ABCD3: variants seen among roughly 807,000 people sequenced by gnomAD.
ABCD3 encodes ATP-binding cassette sub-family D member 3.
In ABCD3, 41 loss-of-function variants were observed where a neutral mutation model predicts 105.5. That is an observed-to-expected ratio of 0.39 (90% CI 0.30 to 0.50). ABCD3 has a LOEUF of 0.50. Ranked by LOEUF, ABCD3 falls within the 20% of genes least tolerant of loss-of-function variation. The probability of loss-of-function intolerance (pLI) is 0.84; values close to 1 mark genes in which losing one functional copy is unlikely to be tolerated. For synonymous variants in ABCD3, 258 were observed against 269.0 expected, an observed-to-expected ratio of 0.96 and a Z score of 0.40; for missense variants, 622 against 806.3, an observed-to-expected ratio of 0.77 and a Z score of 2.77.
intron 1 of ABCD3, among the ~76,000 whole-genome samples, chr1:94,443,764 G>C (rs1186703633): frequency 6.6e-6 from 1 of 152,058 alleles, no homozygotes; most frequent in East Asian, 1.9e-4. Context: ...TATTTTTGTT[G>C]ACTTTGTAGA....
chr1:94,397,659 G>A, the ABCD3 span, among the ~76,000 whole-genome samples: 7 of 152,128 alleles, frequency 4.6e-5, no homozygotes, highest in African/African-American at 1.7e-4. Flanking sequence ...AAGGTGGTAT[G>A]TGCCAGGTTT....
At chr1:94,431,583 A>C (rs1005862199) in intron 1 of ABCD3, among the ~76,000 whole-genome samples, 1 of 152,130 alleles carries the variant, frequency 6.6e-6, no homozygotes, top group African/African-American at 2.4e-5. Flanking sequence ...TTGCTTTTTG[A>C]GACAGACTCA....
intron 21 of ABCD3, chr1:94,514,388 C>G (rs1167244872): frequency 6.6e-6 from 1 of 151,776 alleles, no homozygotes; most frequent in Non-Finnish European, 1.5e-5. Context: ...CTGACCTCCC[C>G]ACCTTGGTTG....
At chr1:94,507,702 A>G (rs1650437443) in intron 21 of ABCD3, among the ~76,000 whole-genome samples, 1 of 152,070 alleles carries the variant, frequency 6.6e-6, no homozygotes, top group Non-Finnish European at 1.5e-5. Context: ...GTGAGATGTT[A>G]TCTCACTGTG....
Position 94,458,769 on chromosome 1 carries a change from C to T in ABCD3, c.147+126C>T, listed in dbSNP as rs148537568. Reference sequence around the variant, plus strand: ...AACTTAAAAATACTCCAGTCTTCTACACATTACAGGAATACTCTCTGAAAT... The same window carrying T: ...AACTTAAAAATACTCCAGTCTTCTATACATTACAGGAATACTCTCTGAAAT... On this transcript the variant is annotated intron_variant, in intron 2 of 22. Transcript: ENST00000370214. The T allele has an allele frequency of 2.7e-4, 244 of 902,614 alleles. No homozygotes were observed. In the East Asian group the frequency reaches 6.3e-3, roughly 23 times the overall value. The allele number at this position is 902,614 out of a possible 1,614,324, so 55.9% of individuals were successfully genotyped here. A position where few individuals can be genotyped will look rare whatever the true frequency, so the allele number is the denominator to read the frequency against.
intron 4 of ABCD3, 30 bp downstream of exon 4, chr1:94,468,037 G>A (rs984343329): frequency 3.4e-6 from 5 of 1,456,980 alleles, no homozygotes; most frequent in Middle Eastern, 3.5e-4. Flanking sequence ...CCTCCTATAT[G>A]TATGAAATGC....
intron 5 of ABCD3, among the ~76,000 whole-genome samples, 173 bp from the exon 6 acceptor site, chr1:94,474,970 G>T (rs1419523731): frequency 6.6e-6 from 1 of 152,012 alleles, no homozygotes; most frequent in Non-Finnish European, 1.5e-5. Flanking sequence ...TTCAAACGAG[G>T]TACATTTGGT....
chr1:94,410,683 C>A, the ABCD3 span, among the ~76,000 whole-genome samples: 1 of 152,162 alleles, frequency 6.6e-6, no homozygotes, highest in Non-Finnish European at 1.5e-5. Flanking sequence ...CTTCATACCC[C>A]TTTCATGTCA....
At chr1:94,414,076 G>A (rs191461191), upstream of ABCD3, among the ~76,000 whole-genome samples, 398 of 152,282 alleles carry the variant, frequency 2.6e-3, 4 homozygotes, top group African/African-American at 9.3e-3. Flanking sequence ...ATCTCCTGGG[G>A]TAGGGGTAGA....
intron 16 of ABCD3, among the ~76,000 whole-genome samples, chr1:94,493,404 C>T (rs1270950639): frequency 6.6e-6 from 1 of 152,034 alleles, no homozygotes; most frequent in East Asian, 1.9e-4. Flanking sequence ...TAACATCTCA[C>T]ACCAGTTAGA....
At chr1:94,462,083 T>C (rs953188574) in intron 2 of ABCD3, among the ~76,000 whole-genome samples, 1 of 152,202 alleles carries the variant, frequency 6.6e-6, no homozygotes, top group African/African-American at 2.4e-5. Flanking sequence ...TTTTAGGTTT[T>C]CTTTTTTCCT....
intron 7 of ABCD3, among the ~76,000 whole-genome samples, chr1:94,477,808 G>A (rs1648836028): frequency 6.6e-6 from 1 of 152,184 alleles, no homozygotes; most frequent in Admixed American, 6.5e-5. Context: ...AAGTGATAAA[G>A]TAATAGAGTC....
chr1:94,464,184 A>C (rs368831632), intron 2 of ABCD3, among the ~76,000 whole-genome samples: 3 of 152,194 alleles, frequency 2.0e-5, no homozygotes, highest in East Asian at 3.9e-4. Context: ...GAGCTGCATA[A>C]GTGAAAGAAC....
the ABCD3 span, among the ~76,000 whole-genome samples, chr1:94,407,213 C>G: frequency 6.6e-6 from 1 of 152,206 alleles, no homozygotes; most frequent in East Asian, 1.9e-4. Context: ...TGCAATGGCC[C>G]GATCTCAGCT....
intron 1 of ABCD3, among the ~76,000 whole-genome samples, chr1:94,432,253 A>G (rs577092650): frequency 2.6e-5 from 4 of 152,334 alleles, no homozygotes; most frequent in Non-Finnish European, 5.9e-5. Flanking sequence ...AATTTGTACA[A>G]CTGAGTATGA....
the ABCD3 span, among the ~76,000 whole-genome samples, chr1:94,399,133 A>G: frequency 6.6e-6 from 1 of 152,236 alleles, no homozygotes; most frequent in African/African-American, 2.4e-5. Flanking sequence ...CATGCAGAAC[A>G]GGTCCATCAC....
At chr1:94,390,784 C>T in the ABCD3 span, among the ~76,000 whole-genome samples, 8 of 152,144 alleles carry the variant, frequency 5.3e-5, no homozygotes, top group Non-Finnish European at 8.8e-5. Context: ...AGTAACTATC[C>T]ATATCCCGAC....
chr1:94,461,313 A>G (rs565286558), intron 2 of ABCD3, among the ~76,000 whole-genome samples: 1 of 152,084 alleles, frequency 6.6e-6, no homozygotes, highest in South Asian at 2.1e-4. Context: ...GGGAGAGGCA[A>G]TTTTCATAAG....
At chr1:94,508,725 T>C (rs1650496901) in intron 21 of ABCD3, among the ~76,000 whole-genome samples, 1 of 151,968 alleles carries the variant, frequency 6.6e-6, no homozygotes, top group Non-Finnish European at 1.5e-5. Context: ...GTAAGTTGGA[T>C]TCCTAGGTAT....
Sources: allele counts gnomAD v4.1 joint callset (sites outside exome capture counted in the v4.1 genomes callset), GRCh38; gene constraint gnomAD v4.1.1; transcripts MANE v1.5; gene names NCBI Gene and HGNC (gene_info 2026-07-23, HGNC 2026-07-21).